KLF12: variants seen among roughly 807,000 people sequenced by gnomAD.
KLF12 encodes the protein Krueppel-like factor 12.
A neutral mutation model predicts 37.8 loss-of-function variants in KLF12; 9 were observed. The ratio of observed to expected loss-of-function variants is 0.24; its 90% CI spans 0.14 to 0.42. The LOEUF (loss-of-function observed/expected upper bound fraction) is 0.42, where lower values mean the gene tolerates loss of function less well. Among genes scored for constraint, KLF12 ranks in the 10% least tolerant of loss-of-function variants. The probability of loss-of-function intolerance (pLI) is 1.00; values close to 1 mark genes in which losing one functional copy is unlikely to be tolerated. For synonymous variants in KLF12, 208 were observed against 202.1 expected, an observed-to-expected ratio of 1.03 and a Z score of -0.25; for missense variants, 411 against 516.0, an observed-to-expected ratio of 0.80 and a Z score of 1.97.
the KLF12 span, among the ~76,000 whole-genome samples, chr13:74,304,566 A>G: frequency 1.3e-5 from 2 of 152,190 alleles, no homozygotes; most frequent in Non-Finnish European, 2.9e-5. Flanking sequence ...TTTAAAAAAT[A>G]TAAGCTATTT....
intron 6 of KLF12, among the ~76,000 whole-genome samples, chr13:73,751,039 C>A (rs1878718292): frequency 1.3e-5 from 2 of 152,114 alleles, no homozygotes; most frequent in African/African-American, 4.8e-5. Flanking sequence ...TTATAATAAT[C>A]ACTGTAGGCA....
At chr13:73,787,570 G>A (rs1881428413) in intron 5 of KLF12, among the ~76,000 whole-genome samples, 1 of 152,168 alleles carries the variant, frequency 6.6e-6, no homozygotes, top group South Asian at 2.1e-4. Context: ...TTTACATGAT[G>A]TAGATAGGTA....
chr13:74,215,155 G>T, the KLF12 span, among the ~76,000 whole-genome samples: 4 of 151,712 alleles, frequency 2.6e-5, no homozygotes, highest in Admixed American at 6.6e-5. Flanking sequence ...CTTGAACTTG[G>T]ATTTGCCGCA....
chr13:73,706,867 C>T (rs955218811), intron 7 of KLF12, among the ~76,000 whole-genome samples: 1 of 152,232 alleles, frequency 6.6e-6, no homozygotes, highest in Non-Finnish European at 1.5e-5. Context: ...AACAAGCACT[C>T]AAGAGCAGCC....
At chr13:73,827,498 A>T (rs1258546037) in intron 4 of KLF12, among the ~76,000 whole-genome samples, 3 of 152,182 alleles carry the variant, frequency 2.0e-5, no homozygotes, top group Admixed American at 2.0e-4. Context: ...GCATGCTGTA[A>T]CTATCCAAAG....
the KLF12 span, among the ~76,000 whole-genome samples, chr13:74,188,412 C>T: frequency 1.3e-5 from 2 of 152,050 alleles, no homozygotes; most frequent in African/African-American, 2.4e-5. Context: ...TATGCAAATT[C>T]GATCGTCAAA....
At chr13:73,907,225 A>C (rs1888342527) in intron 3 of KLF12, among the ~76,000 whole-genome samples, 1 of 152,180 alleles carries the variant, frequency 6.6e-6, no homozygotes, top group Non-Finnish European at 1.5e-5. Context: ...TCATTGGAGC[A>C]TATTAACCTC....
chr13:73,943,987 T>C lies in KLF12; in HGVS notation c.117A>G (p.Glu39=). ...GCTGGAAACTTGTGCTTACCCCTTG[T>C]TCAGATTCCAAAAGCTCTGTTTTGA... Residue 39 remains glutamate, a synonymous_variant, in exon 3 of 8, where the codon GAA becomes GAG. Coordinates refer to ENST00000377669, the MANE Select transcript of KLF12 (RefSeq NM_007249.5). The C allele has an allele frequency of 1.2e-6, 2 of 1,608,436 alleles. No homozygotes were observed. The highest frequency in any genetic ancestry group is 8.5e-7 in the Non-Finnish European group (1 of 1,175,142).
the KLF12 span, among the ~76,000 whole-genome samples, chr13:74,215,652 G>C: frequency 6.6e-6 from 1 of 152,040 alleles, no homozygotes. Context: ...TGGTCATTTT[G>C]TTGCAGAACT....
At chr13:73,827,856 TC>T (rs11290187) in intron 4 of KLF12, among the ~76,000 whole-genome samples, 38,073 of 152,078 alleles carry the variant, frequency 0.25, 4,926 homozygotes, top group East Asian at 0.48. Context: ...AGCCACTGTG[TC>T]CGGGCCCATC....
intron 1 of KLF12, among the ~76,000 whole-genome samples, chr13:74,017,387 T>C (rs1348972034): frequency 6.6e-6 from 1 of 151,778 alleles, no homozygotes; most frequent in Non-Finnish European, 1.5e-5. Context: ...GACAAGTCAT[T>C]TGATTCTATT....
chr13:73,942,831 G>A (rs191474691), intron 3 of KLF12, among the ~76,000 whole-genome samples: 19 of 152,108 alleles, frequency 1.2e-4, no homozygotes, highest in African/African-American at 2.4e-4. Context: ...CCTCTACCAC[G>A]ATGAGGCTCT....
At chr13:74,144,784 CTT>C in the KLF12 span, among the ~76,000 whole-genome samples, 4 of 152,218 alleles carry the variant, frequency 2.6e-5, no homozygotes, top group African/African-American at 9.6e-5. Context: ...GAAATATCGT[CTT>C]GTTTACAATT....
the KLF12 span, among the ~76,000 whole-genome samples, chr13:74,239,869 C>T: frequency 2.0e-5 from 3 of 151,760 alleles, no homozygotes. Context: ...CTGAATACAG[C>T]ACACTGATGG....
intron 2 of KLF12, among the ~76,000 whole-genome samples, chr13:73,992,214 A>C (rs1891987386): frequency 6.6e-6 from 1 of 152,252 alleles, no homozygotes; most frequent in Non-Finnish European, 1.5e-5. Flanking sequence ...GCAAGGAGCC[A>C]GGTCCACAAC....
At position 74,092,600 on chromosome 13, in the gene KLF12, G is replaced by A. The variant is rs563693541; in HGVS notation, c.-32+41139C>T. On this transcript the variant is annotated intron_variant, in intron 1 of 7. Coordinates refer to ENST00000377669, the MANE Select transcript of KLF12 (RefSeq NM_007249.5). Reference sequence around the variant, plus strand: ...GATTGCGCCACTGCACCCCAGCCTCGGCAACAGAGACTCCAACTCAAAAAA... The same window carrying A: ...GATTGCGCCACTGCACCCCAGCCTCAGCAACAGAGACTCCAACTCAAAAAA... Among the ~76,000 whole-genome samples the A allele has an allele frequency of 4.0e-5, 6 of 151,032 alleles. No individual in the cohort carries two copies. In the East Asian group the frequency reaches 5.8e-4, roughly 15 times the overall value.
intron 3 of KLF12, among the ~76,000 whole-genome samples, chr13:73,930,589 A>C (rs1889619551): frequency 6.6e-6 from 1 of 152,212 alleles, no homozygotes; most frequent in South Asian, 2.1e-4. Flanking sequence ...AATTGTTTTT[A>C]GTAGTTCATG....
At chr13:74,270,281 C>T in the KLF12 span, among the ~76,000 whole-genome samples, 1 of 152,178 alleles carries the variant, frequency 6.6e-6, no homozygotes, top group African/African-American at 2.4e-5. Flanking sequence ...ATTGGGCTGG[C>T]CATGTCAAAA....
At chr13:73,892,743 A>G (rs898544410) in intron 3 of KLF12, among the ~76,000 whole-genome samples, 73 of 152,252 alleles carry the variant, frequency 4.8e-4, no homozygotes, top group African/African-American at 1.6e-3. Flanking sequence ...AAAGAAACTG[A>G]AAGACAGTTT....
Sources: gnomAD v4.1 joint callset for allele counts (sites outside exome capture counted in the v4.1 genomes callset) on GRCh38, gnomAD v4.1.1 for gene constraint, MANE v1.5 for transcripts, NCBI Gene and HGNC (gene_info 2026-07-23, HGNC 2026-07-21) for gene names.